Variants in WDR59 observed in about 807,000 individuals in gnomAD.
WDR59 encodes the protein WD repeat domain 59.
A neutral mutation model predicts 131.2 loss-of-function variants in WDR59; 100 were observed. The observed-to-expected ratio is 0.76, with a 90% confidence interval of 0.65 to 0.90. WDR59 has a LOEUF of 0.90. Among genes scored for constraint, WDR59 ranks in the 40% least tolerant of loss-of-function variants. The pLI is 0.00. For missense variants in WDR59, 1,203 were observed against 1,262.2 expected (o/e 0.95, Z 0.71); for synonymous variants, 601 against 466.2 (o/e 1.29, Z -3.72).
At chr16:74,984,722 G>C (rs1597836717) in intron 1 of WDR59, 1 of 566,868 alleles carries the variant, frequency 1.8e-6, no homozygotes, top group East Asian at 2.9e-5. Context: ...AGTGTCACAA[G>C]GCGGACCCCA....
intron 18 of WDR59, 38 bp downstream of exon 18, chr16:74,903,909 A>T (rs1160076500): frequency 1.3e-6 from 2 of 1,579,606 alleles, no homozygotes; most frequent in Non-Finnish European, 1.7e-6. Context: ...AATCCAGGAG[A>T]AGGGGTAAGA....
intron 25 of WDR59, among the ~76,000 whole-genome samples, chr16:74,885,359 G>A (rs1964700674): frequency 7.2e-6 from 1 of 138,014 alleles, no homozygotes; most frequent in Admixed American, 8.5e-5. Flanking sequence ...GCTTAGGGAG[G>A]AGAAGTTAGA....
In WDR59 at chr16:74,980,396, C is replaced by T. The variant is rs561454322; in HGVS notation, c.54+4568G>A. On this transcript the variant is annotated intron_variant, in intron 1 of 25. Coordinates refer to ENST00000262144, the MANE Select transcript of WDR59 (RefSeq NM_030581.4). ...TTTTGAGACAGAGTTTCGCTCTTGC[C>T]CAGGCTGTAGTGCAACGGTGCGATT... 1.4e-4 allele frequency among the ~76,000 whole-genome samples: 21 copies of T among 147,788 alleles called. No homozygotes were observed. In the South Asian group the frequency reaches 1.9e-3, roughly 14 times the overall value.
At chr16:74,932,265 T>TA (rs1692235729) in intron 8 of WDR59, among the ~76,000 whole-genome samples, 1 of 151,666 alleles carries the variant, frequency 6.6e-6, no homozygotes, top group Admixed American at 6.6e-5. Context: ...GCTATTTTTT[T>TA]ATTTTTTAGA....
chr16:74,923,646 T>A (rs1012491048), intron 9 of WDR59, among the ~76,000 whole-genome samples: 3 of 151,970 alleles, frequency 2.0e-5, no homozygotes, highest in Admixed American at 1.3e-4. Flanking sequence ...CCTGGCTAAT[T>A]TTTGTATTTT....
intron 16 of WDR59, 21 bp from the exon 17 acceptor site, chr16:74,908,998 T>C (rs201679463): frequency 3.7e-4 from 593 of 1,608,968 alleles, no homozygotes; most frequent in Middle Eastern, 1.6e-3. Flanking sequence ...AGACATCACA[T>C]GAGCCATCAG....
intron 6 of WDR59, among the ~76,000 whole-genome samples, chr16:74,946,081 T>C (rs2145117648): frequency 6.6e-6 from 1 of 152,230 alleles, no homozygotes; most frequent in East Asian, 1.9e-4. Context: ...CCCAAAGTGC[T>C]GGGATTACAG....
intron 1 of WDR59, among the ~76,000 whole-genome samples, chr16:74,980,360 T>TC (rs2145257884): frequency 6.6e-6 from 1 of 151,030 alleles, no homozygotes; most frequent in African/African-American, 2.4e-5. Context: ...CTAAGTCTTT[T>TC]TTTTTTTTTT....
chr16:74,952,441 C>CAA (rs2033055794), intron 3 of WDR59, among the ~76,000 whole-genome samples: 1 of 36,822 alleles, frequency 2.7e-5, no homozygotes. Flanking sequence ...GACCCCATCT[C>CAA]AAACAAAAAA....
intron 4 of WDR59, 167 bp from the exon 5 acceptor site, chr16:74,949,965 G>C (rs1017033626): frequency 4.3e-6 from 3 of 693,944 alleles, no homozygotes; most frequent in Middle Eastern, 2.4e-4. Context: ...ACGAACATGA[G>C]TTTGGAAGGA....
rs34468583 is a variant in WDR59 at position 74,932,430 on chromosome 16, T to TACACAC, written c.651+5714_651+5719dup. 9.3e-4 allele frequency among the ~76,000 whole-genome samples: 134 copies of TACACAC among 144,206 alleles called. 1 individual carries two copies. Among genetic ancestry groups the TACACAC allele is most frequent in the Admixed American group, 2.1e-3 (29 of 14,054 alleles). The allele number at this position is 144,206 out of a possible 152,430, so 94.6% of individuals were successfully genotyped here. A position where few individuals can be genotyped will look rare whatever the true frequency, so the allele number is the denominator to read the frequency against. Reference sequence around the variant, plus strand: ...AAATTGAGTCATGAAACATAATTTTTACACACACACACACACACACACACA... The same window carrying TACACAC: ...AAATTGAGTCATGAAACATAATTTTTACACACACACACACACACACACACACACACA... On this transcript the variant is annotated intron_variant, in intron 8 of 25. Coordinates refer to ENST00000262144, the MANE Select transcript of WDR59 (RefSeq NM_030581.4).
chr16:74,926,358 G>A (rs1345137017), intron 8 of WDR59, among the ~76,000 whole-genome samples: 1 of 152,030 alleles, frequency 6.6e-6, no homozygotes, highest in Admixed American at 6.6e-5. Flanking sequence ...GCGCCCAGCT[G>A]ATGTATAATC....
chr16:74,922,612 G>A (rs1437405029), intron 9 of WDR59, among the ~76,000 whole-genome samples: 12 of 152,142 alleles, frequency 7.9e-5, no homozygotes, highest in Admixed American at 1.3e-4. Flanking sequence ...GCTCGCTTCA[G>A]GACTGACATG....
chr16:74,924,082 T>A, intron 8 of WDR59, 79 bp from the exon 9 acceptor site: 3 of 1,386,404 alleles, frequency 2.2e-6, no homozygotes, highest in South Asian at 2.5e-5. Flanking sequence ...GCCTTTGAAC[T>A]CATTGCTTCT....
chr16:74,912,489 T>C (rs1410089183), intron 13 of WDR59, 127 bp from the exon 14 acceptor site: 32 of 984,256 alleles, frequency 3.3e-5, no homozygotes, highest in Admixed American at 6.2e-5. Flanking sequence ...CAAAGACAAA[T>C]GTGTGTGGAA....
chr16:74,891,360 T>C (rs762814510), intron 20 of WDR59, among the ~76,000 whole-genome samples: 22 of 152,256 alleles, frequency 1.4e-4, no homozygotes, highest in Middle Eastern at 3.4e-3. Context: ...ACCAACATAC[T>C]TGAAAAATAT....
At chr16:74,971,273 A>G (rs7204479) in intron 1 of WDR59, among the ~76,000 whole-genome samples, 86,099 of 151,830 alleles carry the variant, frequency 0.57, 25,689 homozygotes, top group East Asian at 0.77. Flanking sequence ...AGCTCACTGC[A>G]TGCTGTGTGA....
intron 17 of WDR59, among the ~76,000 whole-genome samples, chr16:74,906,313 C>CAAAAAAAAAAAAA (rs762288713): frequency 0.35 from 11,195 of 32,024 alleles, 3,472 homozygotes; most frequent in Non-Finnish European, 0.37. Context: ...GACTCCGTCT[C>CAAAAAAAAAAAAA]AAAAAAAAAA....
At chr16:74,948,089 A>T (rs930378417) in intron 6 of WDR59, among the ~76,000 whole-genome samples, 1 of 152,118 alleles carries the variant, frequency 6.6e-6, no homozygotes, top group Non-Finnish European at 1.5e-5. Flanking sequence ...AAAAAATCAC[A>T]AGGGGGATGA....
Sources: allele counts gnomAD v4.1 joint callset (sites outside exome capture counted in the v4.1 genomes callset), GRCh38; gene constraint gnomAD v4.1.1; transcripts MANE v1.5; gene names NCBI Gene and HGNC (gene_info 2026-07-23, HGNC 2026-07-21).